ZNF487: variants seen among roughly 807,000 people sequenced by gnomAD.
ZNF487 encodes KRAB domain only 1.
ZNF487 carries 4 observed loss-of-function variants against 3.0 expected under a neutral mutation model. The ratio of observed to expected loss-of-function variants is 1.35; its 90% confidence interval spans 0.66 to 3.08. The LOEUF is 3.08. ZNF487 is among the 30% of genes most tolerant of loss of function. The probability of loss-of-function intolerance (pLI) is 0.01; values close to 1 mark genes in which losing one functional copy is unlikely to be tolerated. For synonymous variants in ZNF487, 55 were observed against 34.6 expected (o/e 1.59, Z -2.06); for missense variants, 146 against 98.7 (o/e 1.48, Z -2.03).
intron 1 of ZNF487, among the ~76,000 whole-genome samples, chr10:43,463,349 C>G (rs938176318): frequency 4.0e-5 from 6 of 151,816 alleles, no homozygotes; most frequent in Non-Finnish European, 8.8e-5. Flanking sequence ...ACCAGCCTGG[C>G]CAACATGGCG....
At chr10:43,504,975 G>A in the ZNF487 span, among the ~76,000 whole-genome samples, 17 of 152,076 alleles carry the variant, frequency 1.1e-4, no homozygotes, top group African/African-American at 4.1e-4. Flanking sequence ...CAAAGTGTTG[G>A]GATTACAGGC....
intron 1 of ZNF487, among the ~76,000 whole-genome samples, chr10:43,451,491 C>T (rs1216717778): frequency 2.1e-5 from 3 of 145,750 alleles, no homozygotes; most frequent in East Asian, 2.1e-4. Context: ...GTGATCCACC[C>T]GCCTTGGCCT....
At chr10:43,494,167 C>G in the ZNF487 span, among the ~76,000 whole-genome samples, 1 of 152,172 alleles carries the variant, frequency 6.6e-6, no homozygotes, top group African/African-American at 2.4e-5. Flanking sequence ...GTGCCACATA[C>G]AGTCTGTGGT....
the ZNF487 span, among the ~76,000 whole-genome samples, chr10:43,514,182 T>C: frequency 1.3e-5 from 2 of 152,146 alleles, no homozygotes; most frequent in Non-Finnish European, 2.9e-5. Flanking sequence ...CCTCTGTCAT[T>C]CAGGCTGGAA....
intron 1 of ZNF487, among the ~76,000 whole-genome samples, chr10:43,468,429 C>T (rs1840781940): frequency 6.6e-6 from 1 of 152,050 alleles, no homozygotes; most frequent in Non-Finnish European, 1.5e-5. Context: ...CCTGTAACCC[C>T]AGCACTTTTG....
intron 1 of ZNF487, among the ~76,000 whole-genome samples, chr10:43,470,338 TGA>T (rs1265206621): frequency 2.6e-5 from 4 of 151,954 alleles, no homozygotes; most frequent in African/African-American, 7.2e-5. Flanking sequence ...CTTAGCCTCC[TGA>T]GTAGCTGGGA....
At chr10:43,466,410 T>C (rs1172027149) in intron 1 of ZNF487, among the ~76,000 whole-genome samples, 2 of 150,948 alleles carry the variant, frequency 1.3e-5, no homozygotes, top group African/African-American at 4.9e-5. Flanking sequence ...TTCTTTCTTT[T>C]TTTTTTTTTT....
chr10:43,465,216 C>T (rs1206550226), intron 1 of ZNF487, among the ~76,000 whole-genome samples: 8 of 144,848 alleles, frequency 5.5e-5, no homozygotes, highest in African/African-American at 7.7e-5. Context: ...CCCTCCTGGA[C>T]GGGGCGGCTG....
chr10:43,475,558 G>C, intron 1 of ZNF487, 163 bp from the exon 2 acceptor site: 1 of 599,914 alleles, frequency 1.7e-6, no homozygotes, highest in South Asian at 2.0e-5. Flanking sequence ...CTCATACCAG[G>C]ATTTCTCATT....
At chr10:43,449,250 G>C (rs1186866876) in intron 1 of ZNF487, among the ~76,000 whole-genome samples, 2 of 151,894 alleles carry the variant, frequency 1.3e-5, no homozygotes, top group Non-Finnish European at 2.9e-5. Context: ...AGTGAGCCAA[G>C]ATTGTGCCAC....
At chr10:43,467,191 T>C (rs1840736455) in intron 1 of ZNF487, among the ~76,000 whole-genome samples, 1 of 151,876 alleles carries the variant, frequency 6.6e-6, no homozygotes, top group African/African-American at 2.4e-5. Context: ...TAATTTTGAC[T>C]TTCAAGTTTT....
chr10:43,437,474 AACCG>A (rs746469213), intron 1 of ZNF487, among the ~76,000 whole-genome samples: 1 of 152,076 alleles, frequency 6.6e-6, no homozygotes, highest in Non-Finnish European at 1.5e-5. Context: ...AACCAGAAGG[AACCG>A]AGTCTGAGGA....
the ZNF487 span, among the ~76,000 whole-genome samples, chr10:43,499,478 G>A: frequency 3.3e-5 from 5 of 152,084 alleles, no homozygotes; most frequent in African/African-American, 7.2e-5. Context: ...GTGCAGTGGT[G>A]TGATCACAGC....
chr10:43,464,122 T>C (rs576876233), intron 1 of ZNF487, among the ~76,000 whole-genome samples: 1 of 152,076 alleles, frequency 6.6e-6, no homozygotes, highest in Non-Finnish European at 1.5e-5. Flanking sequence ...AAGACAGGCC[T>C]AAATTAGGCC....
intron 1 of ZNF487, among the ~76,000 whole-genome samples, chr10:43,467,563 T>C (rs1283873222): frequency 6.6e-6 from 1 of 151,660 alleles, no homozygotes; most frequent in East Asian, 2.0e-4. Context: ...ATGCCTGTAA[T>C]CCCAGCACTT....
chr10:43,477,270 C>T (rs1279219749), intron 3 of ZNF487, among the ~76,000 whole-genome samples: 1 of 150,910 alleles, frequency 6.6e-6, no homozygotes, highest in Non-Finnish European at 1.5e-5. Context: ...AATCTTGGCT[C>T]AATGCAACCT....
rs781083210 is a variant in ZNF487, at chr10:43,482,871, T to A, written c.*949T>A. The A allele has an allele frequency of 1.9e-6, 1 of 526,306 alleles. No individual in the cohort carries two copies. Among genetic ancestry groups the A allele is most frequent in the Non-Finnish European group, 3.9e-6 (1 of 256,802 alleles). 32.6% of individuals were successfully genotyped at this position (526,306 alleles called of 1,614,324 possible). The stretch of plus-strand genomic sequence containing the variant: ...TGAGAAAATGTTCTACCACAAGTCA[T>A]CCCTCACAGTACATCAGAGAACCCA... On this transcript the variant is annotated 3_prime_UTR_variant, in exon 4 of 4. Coordinates refer to ENST00000437590, the MANE Select transcript of ZNF487 (RefSeq NM_001355444.3).
At chr10:43,484,934 A>T (rs571742656), downstream of ZNF487, among the ~76,000 whole-genome samples, 2 of 152,310 alleles carry the variant, frequency 1.3e-5, no homozygotes, top group African/African-American at 4.8e-5. Flanking sequence ...AATCATTGGG[A>T]TACATGTGTT....
chr10:43,512,523 G>A, the ZNF487 span, among the ~76,000 whole-genome samples: 4 of 152,182 alleles, frequency 2.6e-5, no homozygotes, highest in African/African-American at 9.7e-5. Context: ...AATAGGCCAA[G>A]AACTGTCTCT....
Sources: allele counts gnomAD v4.1 joint callset (sites outside exome capture counted in the v4.1 genomes callset), GRCh38; gene constraint gnomAD v4.1.1; transcripts MANE v1.5; gene names NCBI Gene and HGNC (gene_info 2026-07-23, HGNC 2026-07-21).